The following SPATS2L variants were observed in gnomAD, a reference collection of about 807,000 sequenced individuals.
The protein encoded by SPATS2L is SPATS2-like protein.
SPATS2L carries 30 observed loss-of-function variants against 59.6 expected under a neutral mutation model. That is an observed-to-expected ratio of 0.50 (90% confidence interval 0.38 to 0.68). SPATS2L has a LOEUF of 0.68. SPATS2L is among the 30% of genes least tolerant of loss of function. The pLI is 0.00. For synonymous variants in SPATS2L, 252 were observed against 263.5 expected, an observed-to-expected ratio of 0.96 and a Z score of 0.42; for missense variants, 615 against 700.0, an observed-to-expected ratio of 0.88 and a Z score of 1.37.
intron 2 of SPATS2L, among the ~76,000 whole-genome samples, chr2:200,388,529 G>A (rs918717110): frequency 6.6e-6 from 1 of 151,938 alleles, no homozygotes; most frequent in Non-Finnish European, 1.5e-5. Flanking sequence ...CTGCGATCAC[G>A]CCACTGCATT....
intron 2 of SPATS2L, among the ~76,000 whole-genome samples, chr2:200,343,414 A>C (rs1225739854): frequency 5.3e-5 from 8 of 152,206 alleles, no homozygotes; most frequent in Admixed American, 3.9e-4. Context: ...ATCATACTTC[A>C]CCAACCCAAG....
At chr2:200,399,728 C>CTTG (rs2082463945) in intron 3 of SPATS2L, among the ~76,000 whole-genome samples, 1 of 152,066 alleles carries the variant, frequency 6.6e-6, no homozygotes, top group African/African-American at 2.4e-5. Context: ...AATAAACTCC[C>CTTG]CTCAAAGAGA....
intron 2 of SPATS2L, among the ~76,000 whole-genome samples, chr2:200,387,298 A>ACCATTTGG (rs2082021651): frequency 1.3e-5 from 2 of 152,152 alleles, no homozygotes; most frequent in African/African-American, 2.4e-5. Context: ...TATAGAACTT[A>ACCATTTGG]CCATTTGGAG....
In SPATS2L at chr2:200,479,888, T is replaced by C; in HGVS notation, c.*1857T>C. On this transcript the variant is annotated 3_prime_UTR_variant, in exon 13 of 13. Transcript: ENST00000409140. ...GAGGTCTCTGGGTGTACCCAGAGAT[T>C]TAATAGAAATTCTTAACGTTAAGTC... 5.0e-6 allele frequency: 2 copies of C among 397,410 alleles called. No homozygotes were observed. Among genetic ancestry groups the C allele is most frequent in the Non-Finnish European group, 8.9e-6 (2 of 225,860 alleles). The allele number at this position is 397,410 out of a possible 1,614,324, so 24.6% of individuals were successfully genotyped here. A position where few individuals can be genotyped will look rare whatever the true frequency, so the allele number is the denominator to read the frequency against.
chr2:200,470,021 GT>G lies in SPATS2L; in HGVS notation c.1060+9del. On this transcript the variant is annotated splice_donor_region_variant and intron_variant, in intron 11 of 12. Transcript: ENST00000409140. ...AAATCATGCTCTGCGGAGAAAGTGA[GT>G]TTTGCATATTTGCTGAATAATTCTG... 6.3e-7 allele frequency: 1 copy of G among 1,598,564 alleles called. No homozygotes were observed. Among genetic ancestry groups the G allele is most frequent in the East Asian group, 2.2e-5 (1 of 44,448 alleles).
intron 2 of SPATS2L, among the ~76,000 whole-genome samples, chr2:200,364,387 A>G (rs1158680501): frequency 2.0e-5 from 3 of 152,150 alleles, no homozygotes; most frequent in African/African-American, 7.2e-5. Context: ...AGTACTTAGC[A>G]TAGGGAACAT....
chr2:200,461,786 A>G (rs1423858819), intron 9 of SPATS2L, among the ~76,000 whole-genome samples: 1 of 152,212 alleles, frequency 6.6e-6, no homozygotes, highest in Non-Finnish European at 1.5e-5. Context: ...GTCTGGACCT[A>G]GGCCATAATT....
At chr2:200,388,930 C>A (rs965415480) in intron 2 of SPATS2L, among the ~76,000 whole-genome samples, 1 of 152,114 alleles carries the variant, frequency 6.6e-6, no homozygotes. Context: ...TTTTTGACCA[C>A]CTTTCTTTTA....
chr2:200,311,485 T>A (rs1389931959), intron 1 of SPATS2L, among the ~76,000 whole-genome samples: 1 of 152,250 alleles, frequency 6.6e-6, no homozygotes, highest in Non-Finnish European at 1.5e-5. Context: ...GCCAGTATTT[T>A]ATACGTCAAA....
At chr2:200,399,099 A>C (rs2082440943) in intron 3 of SPATS2L, among the ~76,000 whole-genome samples, 1 of 152,140 alleles carries the variant, frequency 6.6e-6, no homozygotes, top group South Asian at 2.1e-4. Flanking sequence ...TTTAACATGA[A>C]ATTTACCCTC....
At chr2:200,370,285 T>G (rs550715920) in intron 2 of SPATS2L, among the ~76,000 whole-genome samples, 1 of 152,326 alleles carries the variant, frequency 6.6e-6, no homozygotes, top group African/African-American at 2.4e-5. Context: ...CTAAGTGATT[T>G]TCCTGTTCAA....
intron 5 of SPATS2L, among the ~76,000 whole-genome samples, chr2:200,418,799 C>A (rs1229283242): frequency 2.6e-5 from 4 of 152,070 alleles, no homozygotes; most frequent in Non-Finnish European, 5.9e-5. Flanking sequence ...GTAGTCCTCC[C>A]CTTTACCTCT....
intron 2 of SPATS2L, among the ~76,000 whole-genome samples, chr2:200,334,573 A>G (rs533147839): frequency 1.6e-4 from 25 of 151,952 alleles, no homozygotes; most frequent in African/African-American, 5.8e-4. Context: ...TGTTTTAGAC[A>G]TGAAGTCCTT....
intron 2 of SPATS2L, chr2:200,378,271 G>C: frequency 1.0e-6 from 1 of 1,002,514 alleles, no homozygotes; most frequent in Non-Finnish European, 1.2e-6. Context: ...AGTTGATAAA[G>C]GTGGCCAGTG....
intron 6 of SPATS2L, among the ~76,000 whole-genome samples, chr2:200,420,306 C>A (rs35722187): frequency 0.35 from 53,797 of 151,818 alleles, 9,880 homozygotes; most frequent in East Asian, 0.56. Context: ...AAATCTCATG[C>A]ATAATATAAC....
At chr2:200,399,929 T>C (rs146072969) in intron 3 of SPATS2L, among the ~76,000 whole-genome samples, 79 of 152,318 alleles carry the variant, frequency 5.2e-4, no homozygotes, top group Admixed American at 1.3e-3. Flanking sequence ...TTTATGGTAC[T>C]CTTTATCTGA....
At chr2:200,427,426 T>A (rs2083641942) in intron 6 of SPATS2L, among the ~76,000 whole-genome samples, 1 of 150,002 alleles carries the variant, frequency 6.7e-6, no homozygotes, top group African/African-American at 2.4e-5. Flanking sequence ...GTGGAAAAAA[T>A]CAAGTTATAC....
intron 1 of SPATS2L, among the ~76,000 whole-genome samples, chr2:200,323,902 A>G (rs1247812909): frequency 1.3e-5 from 2 of 152,246 alleles, no homozygotes; most frequent in African/African-American, 4.8e-5. Context: ...AAGTAATGCA[A>G]GTGCTGGAGG....
At chr2:200,360,505 C>A (rs960805141) in intron 2 of SPATS2L, among the ~76,000 whole-genome samples, 1 of 152,188 alleles carries the variant, frequency 6.6e-6, no homozygotes, top group Non-Finnish European at 1.5e-5. Context: ...ATTGCATGGC[C>A]AAGAGCAGGT....
Sources: allele counts gnomAD v4.1 joint callset (sites outside exome capture counted in the v4.1 genomes callset), GRCh38; gene constraint gnomAD v4.1.1; transcripts MANE v1.5; gene names NCBI Gene and HGNC (gene_info 2026-07-23, HGNC 2026-07-21).